Variants in SUGCT observed in about 807,000 individuals in gnomAD.
SUGCT encodes succinyl-CoA:glutarate-CoA transferase.
SUGCT carries 41 observed loss-of-function variants against 55.0 expected under a neutral mutation model. The ratio of observed to expected loss-of-function variants is 0.74; its 90% CI spans 0.58 to 0.97. The LOEUF (loss-of-function observed/expected upper bound fraction) is 0.97, where lower values mean the gene tolerates loss of function less well. Ranked by LOEUF, SUGCT falls within the 50% of genes least tolerant of loss-of-function variation. The pLI is 0.00. For synonymous variants in SUGCT, 187 were observed against 200.4 expected (o/e 0.93, Z 0.56); for missense variants, 568 against 547.8 (o/e 1.04, Z -0.37).
At chr7:40,145,509 C>CTT (rs35917913) in intron 1 of SUGCT, among the ~76,000 whole-genome samples, 7 of 144,982 alleles carry the variant, frequency 4.8e-5, no homozygotes, top group Admixed American at 7.0e-5. Flanking sequence ...CTCCTCCCCA[C>CTT]TTTTTTTTTT....
At chr7:40,171,923 A>G (rs1784690418) in intron 1 of SUGCT, among the ~76,000 whole-genome samples, 2 of 152,200 alleles carry the variant, frequency 1.3e-5, no homozygotes, top group South Asian at 2.1e-4. Flanking sequence ...TTTTAAAGGA[A>G]TAGGGTATAT....
the SUGCT span, among the ~76,000 whole-genome samples, chr7:40,974,692 A>G: frequency 1.3e-5 from 2 of 152,330 alleles, no homozygotes; most frequent in South Asian, 2.1e-4. Flanking sequence ...ATCACCTTTG[A>G]GATGACATGT....
intron 9 of SUGCT, among the ~76,000 whole-genome samples, chr7:40,440,987 G>C (rs1019533725): frequency 6.6e-6 from 1 of 151,754 alleles, no homozygotes; most frequent in Admixed American, 6.6e-5. Context: ...ACTGGGTTTT[G>C]TACTTTTCTT....
At chr7:40,588,332 A>G (rs1182056247) in intron 12 of SUGCT, among the ~76,000 whole-genome samples, 1 of 152,106 alleles carries the variant, frequency 6.6e-6, no homozygotes, top group Non-Finnish European at 1.5e-5. Flanking sequence ...GCTGCATGCG[A>G]AATAAACTTC....
the SUGCT span, among the ~76,000 whole-genome samples, chr7:40,937,272 G>A: frequency 4.6e-5 from 7 of 152,000 alleles, no homozygotes; most frequent in Non-Finnish European, 5.9e-5. Context: ...AGGTTCAAGC[G>A]ATTCTCCTCC....
intron 11 of SUGCT, among the ~76,000 whole-genome samples, chr7:40,493,484 T>C (rs1331557403): frequency 6.6e-6 from 1 of 152,208 alleles, no homozygotes; most frequent in Non-Finnish European, 1.5e-5. Context: ...AGTGGAATGT[T>C]GATGTTAGGA....
At chr7:41,023,976 G>A in the SUGCT span, among the ~76,000 whole-genome samples, 10 of 152,154 alleles carry the variant, frequency 6.6e-5, no homozygotes, top group African/African-American at 2.4e-5. Flanking sequence ...TTAGGCATCC[G>A]TAATCATGAT....
At chr7:40,190,655 A>AT in intron 5 of SUGCT, among the ~76,000 whole-genome samples, 1 of 109,796 alleles carries the variant, frequency 9.1e-6, no homozygotes, top group South Asian at 3.4e-4. Context: ...ATTAGCTATT[A>AT]TTATTCCTAT....
intron 12 of SUGCT, among the ~76,000 whole-genome samples, chr7:40,559,045 T>G (rs1181355536): frequency 6.6e-6 from 1 of 152,240 alleles, no homozygotes; most frequent in Non-Finnish European, 1.5e-5. Flanking sequence ...TTCTTTAGGT[T>G]TACTCAGAAT....
chr7:40,689,220 T>C (rs990339727), intron 12 of SUGCT, among the ~76,000 whole-genome samples: 1 of 152,314 alleles, frequency 6.6e-6, no homozygotes, highest in East Asian at 1.9e-4. Context: ...TGTCAAGTAA[T>C]AGAAAAGGTA....
intron 12 of SUGCT, among the ~76,000 whole-genome samples, chr7:40,672,060 G>T (rs1166325208): frequency 1.3e-5 from 2 of 152,132 alleles, no homozygotes; most frequent in South Asian, 2.1e-4. Context: ...TTTGACAAAG[G>T]TGCAAAAGCA....
the SUGCT span, among the ~76,000 whole-genome samples, chr7:40,879,521 A>G: frequency 1.3e-5 from 2 of 152,216 alleles, no homozygotes; most frequent in South Asian, 2.1e-4. Context: ...AAAGATTGTT[A>G]ACATTGGTTC....
chr7:40,452,302 C>T lies in SUGCT; in HGVS notation c.888+2944C>T, dbSNP rs180908398. On this transcript the variant is annotated intron_variant, in intron 10 of 13. Coordinates refer to ENST00000335693, the MANE Select transcript of SUGCT (RefSeq NM_001193313.2). Reference sequence around the variant, plus strand: ...AGCTATTTTAAGCTGATGGATGCCACCCAAATGGGTATTCCTATATGAAAT... The same window carrying T: ...AGCTATTTTAAGCTGATGGATGCCATCCAAATGGGTATTCCTATATGAAAT... 3.3e-3 allele frequency among the ~76,000 whole-genome samples: 496 copies of T among 152,270 alleles called. 5 individuals are homozygous for T. The highest frequency in any genetic ancestry group is 0.011 in the African/African-American group (468 of 41,552).
chr7:40,348,749 T>C (rs1455618383), intron 9 of SUGCT, among the ~76,000 whole-genome samples: 1 of 152,230 alleles, frequency 6.6e-6, no homozygotes, highest in African/African-American at 2.4e-5. Flanking sequence ...GTCCTGCATA[T>C]AACTTACCCC....
chr7:40,485,501 T>C (rs1366692278), intron 11 of SUGCT, among the ~76,000 whole-genome samples: 1 of 148,648 alleles, frequency 6.7e-6, no homozygotes, highest in Admixed American at 6.8e-5. Flanking sequence ...TCATGGCTCA[T>C]TGTAGCCTCA....
chr7:40,234,650 C>G (rs1177222882), intron 6 of SUGCT, among the ~76,000 whole-genome samples: 1 of 152,026 alleles, frequency 6.6e-6, no homozygotes, highest in South Asian at 2.1e-4. Context: ...GTAGCTCATG[C>G]CCAATCTCAG....
intron 11 of SUGCT, among the ~76,000 whole-genome samples, chr7:40,469,514 C>T (rs904366689): frequency 4.6e-5 from 7 of 152,158 alleles, no homozygotes; most frequent in Admixed American, 6.5e-5. Context: ...ACTATAAAAT[C>T]AGCCCGGAGG....
chr7:40,772,434 C>A (rs1054523805), intron 13 of SUGCT, among the ~76,000 whole-genome samples: 18 of 152,136 alleles, frequency 1.2e-4, no homozygotes, highest in African/African-American at 4.3e-4. Context: ...GATTTTCCAG[C>A]ATTCATCGTG....
At chr7:40,261,272 G>A (rs942142436) in intron 7 of SUGCT, among the ~76,000 whole-genome samples, 9 of 152,152 alleles carry the variant, frequency 5.9e-5, no homozygotes, top group African/African-American at 1.9e-4. Flanking sequence ...AGAGGTTTTA[G>A]TTACCTAATG....
Sources: gnomAD v4.1 joint callset for allele counts (sites outside exome capture counted in the v4.1 genomes callset) on GRCh38, gnomAD v4.1.1 for gene constraint, MANE v1.5 for transcripts, NCBI Gene and HGNC (gene_info 2026-07-23, HGNC 2026-07-21) for gene names.